Variants in DMBT1 observed in about 807,000 individuals in gnomAD.
DMBT1 encodes scavenger receptor cysteine-rich domain-containing protein DMBT1.
Under a neutral mutation model 252.9 loss-of-function variants are expected in DMBT1, and 198 were observed. The ratio of observed to expected loss-of-function variants is 0.78; its 90% CI spans 0.70 to 0.88. The LOEUF (loss-of-function observed/expected upper bound fraction) is 0.88. Ranked by LOEUF, DMBT1 falls within the 40% of genes least tolerant of loss-of-function variation. The pLI is 0.00. For synonymous variants in DMBT1, 990 were observed against 942.7 expected (o/e 1.05, Z -0.92); for missense variants, 2,432 against 2,404.7 (o/e 1.01, Z -0.24).
Position 122,640,130 on chromosome 10 carries a change from G to A in DMBT1, c.7033G>A (p.Val2345Ile), listed in dbSNP as rs544748787. 2.9e-5 allele frequency: 46 copies of A among 1,614,008 alleles called. No homozygotes were observed. Among genetic ancestry groups the A allele is most frequent in the Middle Eastern group, 3.3e-4 (2 of 6,062 alleles). ...IKRRTDLRIH[V>I]SCRMLQNTWV... Reference sequence around the variant, plus strand: ...GAGGAGGACAGACCTCCGTATTCACGTCAGCTGCAGAATGCTTCAGAACAC... The same window carrying A: ...GAGGAGGACAGACCTCCGTATTCACATCAGCTGCAGAATGCTTCAGAACAC... The change falls in exon 55 of 56, where the codon GTC (valine) becomes ATC (isoleucine). Residue 2345 changes from valine to isoleucine, a missense_variant. Physicochemically the swap from Val to Ile is conservative, Grantham distance 29. This residue lies in a region of DMBT1 where 1,162 missense variants were observed against 1,169.0 expected (regional missense o/e 0.99). Transcript: ENST00000338354.
intron 5 of DMBT1, among the ~76,000 whole-genome samples, chr10:122,573,436 TG>T (rs1333835709): frequency 1.5e-4 from 23 of 152,304 alleles, no homozygotes; most frequent in African/African-American, 5.1e-4. Context: ...GTGACTAGCA[TG>T]GGGTTGTGAA....
chr10:122,618,029 C>T lies in DMBT1; in HGVS notation c.4904C>T (p.Thr1635Ile). 6.2e-7 allele frequency: 1 copy of T among 1,612,980 alleles called. No individual in the cohort carries two copies. Among genetic ancestry groups the T allele is most frequent in the African/African-American group, 1.3e-5 (1 of 74,944 alleles). Residue 1635 changes from threonine to isoleucine, a missense_variant, in exon 41 of 56, where the codon ACT becomes ATT. This residue lies in a region of DMBT1 where 1,162 missense variants were observed against 1,169.0 expected (regional missense o/e 0.99). Coordinates refer to ENST00000338354, the MANE Select transcript of DMBT1 (RefSeq NM_001377530.1). ...SRASTAGSESTLALRLVNGGD... is the reference protein window; with the variant it reads ...SRASTAGSESILALRLVNGGD... ...TGTTCCCCTGTAGGATCTGAATCCA[C>T]TTTGGCCCTGAGACTGGTGAATGGA... is the stretch of plus-strand genomic sequence containing the variant.
chr10:122,631,230 T>A lies in DMBT1; in HGVS notation c.6295T>A (p.Trp2099Arg), dbSNP rs1245135701. ...STLWQCRNRG[W>R]FSHNCNHRED... ...TCTCTGGCAGTGCCGGAACCGAGGCTGGTTCTCCCACAACTGTAATCATCG... is the reference window on the plus strand; with the variant it reads ...TCTCTGGCAGTGCCGGAACCGAGGCAGGTTCTCCCACAACTGTAATCATCG... The change falls in exon 49 of 56, where the codon TGG becomes AGG. Residue 2099 changes from tryptophan (W) to arginine (R), a missense_variant. By Grantham distance (101) the Trp-to-Arg change is moderately radical (BLOSUM62 -3). Coordinates refer to ENST00000338354, the MANE Select transcript of DMBT1 (RefSeq NM_001377530.1). The A allele has an allele frequency of 6.2e-7, 1 of 1,613,932 alleles. No individual in the cohort carries two copies. The highest frequency in any genetic ancestry group is 8.5e-7 in the Non-Finnish European group (1 of 1,179,904).
intron 17 of DMBT1, among the ~76,000 whole-genome samples, chr10:122,589,704 G>A (rs1291188355): frequency 6.7e-6 from 1 of 148,496 alleles, no homozygotes; most frequent in African/African-American, 2.4e-5. Context: ...GAAGGAGATG[G>A]GGAGGTGGCC....
chr10:122,617,928 C>G, intron 40 of DMBT1, 89 bp from the exon 41 acceptor site: 1 of 1,576,454 alleles, frequency 6.3e-7, no homozygotes, highest in Non-Finnish European at 8.6e-7. Context: ...GTGACTCTGG[C>G]CATTAGGAAG....
At chr10:122,574,295 T>G (rs1323689867) in intron 6 of DMBT1, among the ~76,000 whole-genome samples, 4 of 152,230 alleles carry the variant, frequency 2.6e-5, no homozygotes, top group Non-Finnish European at 5.9e-5. Flanking sequence ...GTGAGAAATC[T>G]GGGAGACATA....
chr10:122,578,919 C>T (rs180678967), intron 9 of DMBT1, among the ~76,000 whole-genome samples, 160 bp downstream of exon 9: 7 of 152,000 alleles, frequency 4.6e-5, no homozygotes, highest in African/African-American at 1.4e-4. Context: ...AGAGTCAGCT[C>T]GGCACTGGGA....
At chr10:122,569,807 T>C (rs565050966) in intron 2 of DMBT1, among the ~76,000 whole-genome samples, 1 of 152,372 alleles carries the variant, frequency 6.6e-6, no homozygotes, top group East Asian at 1.9e-4. Context: ...TCAGTGATGG[T>C]GAATGTTTGT....
Position 122,592,521 on chromosome 10 carries a change from T to C in DMBT1, c.2426T>C (p.Leu809Pro). ...CGCTGCTCAGGACACGAGTCCTACC[T>C]GTGGAGCTGCCCCCACAATGGCTGG... The part of the protein sequence containing the change: ...DVRCSGHESY[L>P]WSCPHNGWLS... Residue 809 changes from leucine (L) to proline (P), a missense_variant, in exon 20 of 56, where the codon CTG becomes CCG. Leu to Pro is a moderately conservative substitution (Grantham distance 98). Coordinates refer to ENST00000338354, the MANE Select transcript of DMBT1 (RefSeq NM_001377530.1). 1 of 1,588,224 alleles carries C rather than the reference T, an allele frequency of 6.3e-7. No homozygotes were observed. The highest frequency in any genetic ancestry group is 8.6e-7 in the Non-Finnish European group (1 of 1,165,626).
chr10:122,580,098 A>G (rs1349654378), intron 10 of DMBT1, among the ~76,000 whole-genome samples, 197 bp downstream of exon 10: 2 of 152,214 alleles, frequency 1.3e-5, no homozygotes, highest in Admixed American at 6.5e-5. Flanking sequence ...GGATCAAACT[A>G]AAACAACCCA....
chr10:122,598,009 G>A lies in DMBT1; in HGVS notation c.2953G>A (p.Val985Ile). Residue 985 changes from valine to isoleucine, a missense_variant, in exon 25 of 56, where the codon GTA (valine) becomes ATA (isoleucine). Transcript: ENST00000338354. ...GACCATCACCTTGCCTGCATCGACA[G>A]TAGGTAAATATTCCTCTCGCCCCTC... Reference protein sequence around the residue: ...LPTITLPASTVGSESSLALRL... With the variant: ...LPTITLPASTIGSESSLALRL... The A allele has an allele frequency of 5.6e-6, 9 of 1,613,962 alleles. No homozygotes were observed. Among genetic ancestry groups the A allele is most frequent in the Non-Finnish European group, 7.6e-6 (9 of 1,179,874 alleles).
chr10:122,619,896 T>C (rs2098045278), intron 42 of DMBT1, among the ~76,000 whole-genome samples: 1 of 152,246 alleles, frequency 6.6e-6, no homozygotes, highest in African/African-American at 2.4e-5. Flanking sequence ...GGAAACTTGA[T>C]ACCCCTTTGG....
intron 26 of DMBT1, 108 bp downstream of exon 26, chr10:122,599,205 A>C: frequency 6.4e-7 from 1 of 1,562,560 alleles, no homozygotes; most frequent in Non-Finnish European, 8.7e-7. Context: ...TATGTTTTCT[A>C]TATTTCTGAA....
intron 1 of DMBT1, among the ~76,000 whole-genome samples, chr10:122,561,551 T>C (rs1288161986): frequency 1.5e-5 from 2 of 134,182 alleles, no homozygotes; most frequent in Non-Finnish European, 3.2e-5. Flanking sequence ...ATTTTGTCTC[T>C]CTCTTCCTGT....
intron 17 of DMBT1, 64 bp from the exon 18 acceptor site, chr10:122,590,601 A>G: frequency 1.3e-6 from 2 of 1,555,552 alleles, no homozygotes; most frequent in Non-Finnish European, 1.8e-6. Flanking sequence ...AGTTCCTTGT[A>G]CCTTTGTTCT....
At chr10:122,566,043 C>T in intron 2 of DMBT1, 47 bp downstream of exon 2, 1 of 1,598,516 alleles carries the variant, frequency 6.3e-7, no homozygotes, top group Non-Finnish European at 8.6e-7. Flanking sequence ...TTGGCCAGTT[C>T]TCCTCTGCTA....
intron 40 of DMBT1, among the ~76,000 whole-genome samples, chr10:122,617,520 A>G (rs1193945509): frequency 2.6e-5 from 4 of 151,610 alleles, no homozygotes; most frequent in South Asian, 2.1e-4. Flanking sequence ...GAGCACTGGA[A>G]GGCTCCCTAA....
chr10:122,578,874 G>T, intron 9 of DMBT1, 115 bp downstream of exon 9: 1 of 1,071,970 alleles, frequency 9.3e-7, no homozygotes, highest in East Asian at 2.6e-5. Context: ...GGCTAAGCGT[G>T]GGAGGGTGGC....
intron 3 of DMBT1, among the ~76,000 whole-genome samples, 175 bp from the exon 4 acceptor site, chr10:122,570,715 C>G (rs1426258704): frequency 6.6e-6 from 1 of 152,076 alleles, no homozygotes; most frequent in Non-Finnish European, 1.5e-5. Context: ...GCATCTTAGC[C>G]CAGCCTGGAG....
Sources: gnomAD v4.1 joint callset for allele counts (sites outside exome capture counted in the v4.1 genomes callset) on GRCh38, gnomAD v4.1.1 for gene constraint, gnomAD v4.1.1 regional missense constraint, MANE v1.5 for transcripts, NCBI Gene and HGNC (gene_info 2026-07-23, HGNC 2026-07-21) for gene names.